NECTIN3: variants seen among roughly 807,000 people sequenced by gnomAD.
NECTIN3 encodes the protein nectin-3.
NECTIN3 carries 8 observed loss-of-function variants against 49.4 expected under a neutral mutation model. That is an observed-to-expected ratio of 0.16 (90% CI 0.10 to 0.29). The LOEUF (loss-of-function observed/expected upper bound fraction) is 0.29, where lower values mean the gene tolerates loss of function less well. Among genes scored for constraint, NECTIN3 ranks in the 10% least tolerant of loss-of-function variants. NECTIN3 has a pLI of 1.00. For missense variants in NECTIN3, 581 were observed against 654.6 expected, an observed-to-expected ratio of 0.89 and a Z score of 1.23; for synonymous variants, 277 against 241.1, an observed-to-expected ratio of 1.15 and a Z score of -1.38.
chr3:111,119,251 A>G (rs1426754315), intron 3 of NECTIN3, among the ~76,000 whole-genome samples: 1 of 152,196 alleles, frequency 6.6e-6, no homozygotes, highest in African/African-American at 2.4e-5. Context: ...CTAAAGGGCA[A>G]ACAACTTCTA....
chr3:111,182,284 GAAACT>G (rs1409695055), intron 7 of NECTIN3, among the ~76,000 whole-genome samples: 6 of 152,008 alleles, frequency 3.9e-5, no homozygotes, highest in African/African-American at 1.4e-4. Context: ...TATGTGTACT[GAAACT>G]AACGTATGTT....
At chr3:111,139,976 T>TA (rs1161017017), downstream of NECTIN3, among the ~76,000 whole-genome samples, 2 of 151,942 alleles carry the variant, frequency 1.3e-5, no homozygotes, top group African/African-American at 4.8e-5. Context: ...ACATTTTTGG[T>TA]AAAACTACAT....
At chr3:111,126,131 A>G in intron 4 of NECTIN3, 53 bp from the exon 5 acceptor site, 1 of 1,277,144 alleles carries the variant, frequency 7.8e-7, no homozygotes, top group South Asian at 2.1e-5. Flanking sequence ...ACTAGCTGTC[A>G]ATAAATATAG....
rs79140462 is a variant in NECTIN3 at position 111,168,778 on chromosome 3, A to C, written c.1221+21294A>C. On this transcript the variant is annotated intron_variant, in intron 7 of 8. Transcript: ENST00000493615. The stretch of plus-strand genomic sequence containing the variant: ...ATACAGGTTTTCAAAGCTAATCACA[A>C]TCGAGGATAGGAGCATGCCTTAATT... 0.021 allele frequency among the ~76,000 whole-genome samples: 3,182 copies of C among 152,302 alleles called. 208 individuals carry two copies. The East Asian group carries it at 0.22, about 11-fold the overall frequency.
intron 7 of NECTIN3, among the ~76,000 whole-genome samples, chr3:111,185,728 A>T (rs2035708360): frequency 6.6e-6 from 1 of 152,338 alleles, no homozygotes; most frequent in African/African-American, 2.4e-5. Context: ...TCTATGATCC[A>T]GTAATTCCAG....
In NECTIN3 at chr3:111,137,343, C is replaced by CA. The variant is rs2034615583; in HGVS notation, c.*3129dup. 3.1e-6 allele frequency: 3 copies of CA among 971,496 alleles called. No homozygotes were observed. In the Admixed American group the frequency reaches 1.9e-4, roughly 60 times the overall value. The allele number at this position is 971,496 out of a possible 1,614,324, so 60.2% of individuals were successfully genotyped here. A position where few individuals can be genotyped will look rare whatever the true frequency, so the allele number is the denominator to read the frequency against. On this transcript the variant is annotated 3_prime_UTR_variant, in exon 6 of 6. Transcript: ENST00000485303. ...CTTGTTAATTAGAAAATGCATCCTTCATAAACAGCTCCTTTCTCAAATTTT... is the reference window on the plus strand; with the variant it reads ...CTTGTTAATTAGAAAATGCATCCTTCAATAAACAGCTCCTTTCTCAAATTTT...
intron 1 of NECTIN3, among the ~76,000 whole-genome samples, chr3:111,109,542 G>A (rs1369897642): frequency 6.6e-6 from 1 of 151,544 alleles, no homozygotes; most frequent in African/African-American, 2.4e-5. Context: ...TCAGTGTTTA[G>A]TATAAAAGAG....
intron 7 of NECTIN3, among the ~76,000 whole-genome samples, chr3:111,155,119 GGA>G (rs1366521672): frequency 2.6e-5 from 4 of 152,114 alleles, no homozygotes; most frequent in Non-Finnish European, 5.9e-5. Context: ...TGTATTTTTA[GGA>G]GAGACGGGGT....
At chr3:111,142,720 A>G (rs1238549503) in intron 5 of NECTIN3, among the ~76,000 whole-genome samples, 1 of 151,550 alleles carries the variant, frequency 6.6e-6, no homozygotes, top group East Asian at 1.9e-4. Flanking sequence ...TTGATAAAAA[A>G]TTTATAATGA....
At chr3:111,131,580 C>T (rs1212319665) in intron 5 of NECTIN3, among the ~76,000 whole-genome samples, 1 of 151,870 alleles carries the variant, frequency 6.6e-6, no homozygotes, top group Admixed American at 6.6e-5. Flanking sequence ...TAGGTTGAAA[C>T]ATTTCTAGAA....
intron 1 of NECTIN3, among the ~76,000 whole-genome samples, chr3:111,082,612 A>T (rs1045043736): frequency 1.3e-5 from 2 of 152,230 alleles, no homozygotes; most frequent in African/African-American, 4.8e-5. Context: ...AAAATGTCAC[A>T]TCTTAAAGCA....
Position 111,163,016 on chromosome 3 carries a change from G to C in NECTIN3, c.1221+15532G>C, listed in dbSNP as rs138355605. Reference sequence around the variant, plus strand: ...TCTCTTATGATTCTGAAGTTGACAGGGTACTTTATGAGAAGCCCTGGGCAG... The same window carrying C: ...TCTCTTATGATTCTGAAGTTGACAGCGTACTTTATGAGAAGCCCTGGGCAG... On this transcript the variant is annotated intron_variant, in intron 7 of 8. Transcript: ENST00000493615. Among the ~76,000 whole-genome samples the C allele has an allele frequency of 7.9e-5, 12 of 152,158 alleles. No homozygotes were observed. In the East Asian group the frequency reaches 2.3e-3, roughly 29 times the overall value.
At chr3:111,150,889 A>ATT (rs1320636773) in intron 7 of NECTIN3, among the ~76,000 whole-genome samples, 1 of 151,948 alleles carries the variant, frequency 6.6e-6, no homozygotes, top group Non-Finnish European at 1.5e-5. Context: ...AATGAATTAA[A>ATT]TTTTTTAAAA....
At chr3:111,102,390 C>T (rs1024855815) in intron 1 of NECTIN3, among the ~76,000 whole-genome samples, 1 of 152,178 alleles carries the variant, frequency 6.6e-6, no homozygotes, top group African/African-American at 2.4e-5. Context: ...ACTTCCTCCT[C>T]CCCCACTTCT....
Position 111,118,948 on chromosome 3 carries a change from A to C in NECTIN3, c.795A>C (p.Ile265=). The C allele has an allele frequency of 6.2e-7, 1 of 1,606,860 alleles. No individual in the cohort carries two copies. The highest frequency in any genetic ancestry group is 8.5e-7 in the Non-Finnish European group (1 of 1,175,108). The change falls in exon 3 of 6, where the codon ATA becomes ATC. Residue 265 remains isoleucine (I), a synonymous_variant. Coordinates refer to ENST00000485303, the MANE Select transcript of NECTIN3 (RefSeq NM_015480.3). The part of the protein sequence containing the change: ...KDIRYSFILD[I]QYAPEVSVTG... ...TCCGATACTCTTTCATATTAGACAT[A>C]CAGTGTAAGTAAATGGTAACATTTA...
intron 1 of NECTIN3, among the ~76,000 whole-genome samples, chr3:111,087,484 C>T (rs1449663044): frequency 6.6e-6 from 1 of 151,966 alleles, no homozygotes; most frequent in Non-Finnish European, 1.5e-5. Context: ...AAAATCCTGT[C>T]TCTATTAAAA....
intron 7 of NECTIN3, among the ~76,000 whole-genome samples, chr3:111,160,923 C>T (rs1202568960): frequency 1.3e-5 from 2 of 152,122 alleles, no homozygotes; most frequent in South Asian, 2.1e-4. Context: ...AGGAGAATGG[C>T]GTGAACCCAG....
chr3:111,076,485 C>T (rs961888095), intron 1 of NECTIN3, among the ~76,000 whole-genome samples: 1 of 152,024 alleles, frequency 6.6e-6, no homozygotes, highest in African/African-American at 2.4e-5. Context: ...ACTTTAAAGA[C>T]AGTTTTGTGT....
downstream of NECTIN3, among the ~76,000 whole-genome samples, chr3:111,137,749 G>T (rs1376478261): frequency 1.4e-5 from 2 of 147,824 alleles, no homozygotes; most frequent in Non-Finnish European, 3.0e-5. Flanking sequence ...TTGGCATGTT[G>T]GCCACTGTAA....
Sources: gnomAD v4.1 joint callset for allele counts (sites outside exome capture counted in the v4.1 genomes callset) on GRCh38, gnomAD v4.1.1 for gene constraint, MANE v1.5 for transcripts, NCBI Gene and HGNC (gene_info 2026-07-23, HGNC 2026-07-21) for gene names.